INTS1: variants seen among roughly 807,000 people sequenced by gnomAD.
The protein encoded by INTS1 is integrator complex subunit 1.
In INTS1, 137 loss-of-function variants were observed where a neutral mutation model predicts 241.6. That is an observed-to-expected ratio of 0.57 (90% CI 0.49 to 0.65). INTS1 has a LOEUF of 0.65. INTS1 is among the 30% of genes least tolerant of loss of function. INTS1 has a pLI of 0.00. For missense variants in INTS1, 3,073 were observed against 3,032.2 expected, an observed-to-expected ratio of 1.01 and a Z score of -0.32; for synonymous variants, 1,692 against 1,337.8, an observed-to-expected ratio of 1.26 and a Z score of -5.78.
chr7:1,494,528 C>T (rs1782750448), intron 14 of INTS1: 3 of 518,224 alleles, frequency 5.8e-6, no homozygotes, highest in East Asian at 6.8e-5. Context: ...GTGGCGTGCC[C>T]GTGGACGCCC....
chr7:1,483,596 T>G, intron 26 of INTS1, 146 bp downstream of exon 26: 2 of 704,352 alleles, frequency 2.8e-6, no homozygotes, highest in Non-Finnish European at 5.1e-6. Flanking sequence ...AGCCTCCTCT[T>G]TAGGAGAGAA....
intron 4 of INTS1, 68 bp downstream of exon 4, chr7:1,500,102 G>C (rs543352518): frequency 6.3e-7 from 1 of 1,588,266 alleles, no homozygotes; most frequent in Non-Finnish European, 8.6e-7. Context: ...GGACACTTAA[G>C]GGGGAGGTGA....
rs762546680 is a variant in INTS1 at position 1,476,873 on chromosome 7, T to A, written c.4984A>T (p.Thr1662Ser). 1 of 1,612,492 alleles carries A rather than the reference T, an allele frequency of 6.2e-7. No homozygotes were observed. The highest frequency in any genetic ancestry group is 8.5e-7 in the Non-Finnish European group (1 of 1,179,728). Residue 1662 changes from threonine to serine, a missense_variant, in exon 36 of 48, where the codon ACC becomes TCC. Physicochemically the swap from Thr to Ser is moderately conservative, Grantham distance 58. Transcript: ENST00000404767. ...CAGCTGGACTGATGCGTGAAGAGGG[T>A]CAGGAGGTAGGGACGGAACGAGGGC... ...QVPSFRPYLLTLFTHQSSWPT... is the reference protein window; with the variant it reads ...QVPSFRPYLLSLFTHQSSWPT...
chr7:1,486,608 C>T lies in INTS1; in HGVS notation c.2976+17G>A, dbSNP rs1264890240. ...AACATGAAGAGCGTGCGCAGAAAGA[C>T]CCGCCCACCACCTCACCTTCATGGC... On this transcript the variant is annotated intron_variant, in intron 22 of 47. Coordinates refer to ENST00000404767, the MANE Select transcript of INTS1 (RefSeq NM_001080453.3). 6.2e-7 allele frequency: 1 copy of T among 1,608,186 alleles called. No homozygotes were observed. Among genetic ancestry groups the T allele is most frequent in the Non-Finnish European group, 8.5e-7 (1 of 1,177,894 alleles).
In INTS1 at chr7:1,480,949, G is replaced by A. The variant is rs779393095; in HGVS notation, c.3851-16C>T. 3.2e-6 allele frequency: 5 copies of A among 1,576,054 alleles called. No individual in the cohort carries two copies. The highest frequency in any genetic ancestry group is 4.6e-5 in the East Asian group (2 of 43,394). On this transcript the variant is annotated splice_polypyrimidine_tract_variant and intron_variant, in intron 28 of 47. Transcript: ENST00000404767. ...GCCATGTAATCTGCAAACCGTAGCA[G>A]GGTCACACCTGGGCGCGGCCAGGGG...
Position 1,499,888 on chromosome 7 carries a change from A to T in INTS1, c.680T>A (p.Val227Asp), listed in dbSNP as rs1333609389. Residue 227 changes from valine (V) to aspartate (D), a missense_variant, in exon 5 of 48, where the codon GTC becomes GAC. Coordinates refer to ENST00000404767, the MANE Select transcript of INTS1 (RefSeq NM_001080453.3). Reference sequence around the variant, plus strand: ...GTCCCGGGAGAGGACGCTCACCTTGACAAAGATCTCGGGCCAGTTCTCGTC... The same window carrying T: ...GTCCCGGGAGAGGACGCTCACCTTGTCAAAGATCTCGGGCCAGTTCTCGTC... ...EEDENWPEIFVKVYIEDSLGE... is the reference protein window; with the variant it reads ...EEDENWPEIFDKVYIEDSLGE... 6.2e-7 allele frequency: 1 copy of T among 1,612,134 alleles called. No homozygotes were observed. Among genetic ancestry groups the T allele is most frequent in the Non-Finnish European group, 8.5e-7 (1 of 1,178,918 alleles).
chr7:1,497,374 C>A lies in INTS1; in HGVS notation c.1426-60G>T, dbSNP rs1030765831. 3 of 1,535,418 alleles carry A rather than the reference C, an allele frequency of 2.0e-6. No individual in the cohort carries two copies. The highest frequency in any genetic ancestry group is 2.7e-5 in the African/African-American group (2 of 73,000). On this transcript the variant is annotated intron_variant, in intron 10 of 47. Coordinates refer to ENST00000404767, the MANE Select transcript of INTS1 (RefSeq NM_001080453.3). This position sits in a 1 kb window ranked among gnomAD's most constrained non-coding sequence, Gnocchi z 5.3. ...GACAGTGCTGTCCCTGTCACAGGCC[C>A]CTTCCCGCAGCACCAACAGGTATGG... is the stretch of plus-strand genomic sequence containing the variant.
intron 30 of INTS1, among the ~76,000 whole-genome samples, chr7:1,480,107 C>T (rs1247234525): frequency 6.6e-6 from 1 of 152,266 alleles, no homozygotes. Flanking sequence ...CCAATGTTGG[C>T]CTAGCCTCCA....
At position 1,470,587 on chromosome 7, in the gene INTS1, G is replaced by C; in HGVS notation, c.6563C>G (p.Ala2188Gly). ...SEALRILHME[A>G]VM ...TCGGCTGCCACAGGCTCACATCACG[G>C]CCTCCATATGCAGGATCCTCAGGGC... Residue 2188 changes from alanine to glycine, a missense_variant, in exon 48 of 48, where the codon GCC (alanine) becomes GGC (glycine). Ala to Gly is a moderately conservative substitution (Grantham distance 60). Transcript: ENST00000404767. The C allele has an allele frequency of 6.4e-7, 1 of 1,564,834 alleles. No homozygotes were observed. Among genetic ancestry groups the C allele is most frequent in the Non-Finnish European group, 8.7e-7 (1 of 1,155,770 alleles).
intron 13 of INTS1, among the ~76,000 whole-genome samples, chr7:1,495,106 G>A (rs553754045): frequency 6.1e-4 from 65 of 106,818 alleles, no homozygotes; most frequent in Admixed American, 4.6e-3. Context: ...CGGGGCTGCC[G>A]GGCTGGACAG....
In INTS1 at chr7:1,495,516, G is replaced by A. The variant is rs375137341; in HGVS notation, c.1749C>T (p.Ala583=). 1.1e-4 allele frequency: 177 copies of A among 1,612,302 alleles called. No homozygotes were observed. The highest frequency in any genetic ancestry group is 1.4e-4 in the Non-Finnish European group (167 of 1,179,648). ...EVLRSFQNQI[A]AIQRDAVWWL... is the part of the protein sequence containing the mutation. ...ACCAGACGGCATCCCGCTGGATGGC[G>A]GCAATCTGGTTCTGGAATGAGCGGA... Residue 583 remains alanine (A), a synonymous_variant, in exon 13 of 48, where the codon GCC becomes GCT. Coordinates refer to ENST00000404767, the MANE Select transcript of INTS1 (RefSeq NM_001080453.3).
At chr7:1,499,218 G>A (rs569891718) in intron 7 of INTS1, 37 bp downstream of exon 7, 27 of 1,604,846 alleles carry the variant, frequency 1.7e-5, no homozygotes, top group East Asian at 8.9e-5. Flanking sequence ...GCCCGCCCCC[G>A]CCGCCCCCAA....
intron 13 of INTS1, among the ~76,000 whole-genome samples, chr7:1,495,115 A>AGTGGCCAAGC (rs5881898): frequency 2.9e-4 from 44 of 151,726 alleles, no homozygotes; most frequent in African/African-American, 1.0e-3. Flanking sequence ...CGGGCTGGAC[A>AGTGGCCAAGC]GCCCTTTACA....
rs1054258901 is a variant in INTS1 at position 1,476,021 on chromosome 7, C to T, written c.5429G>A (p.Arg1810Gln). The T allele has an allele frequency of 5.8e-6, 9 of 1,545,940 alleles. No individual in the cohort carries two copies. The highest frequency in any genetic ancestry group is 1.8e-4 in the Middle Eastern group (1 of 5,558). The change falls in exon 39 of 48, where the codon CGG becomes CAG. Residue 1810 changes from arginine to glutamine, a missense_variant. Arg to Gln is a conservative substitution (Grantham distance 43, BLOSUM62 1). Transcript: ENST00000404767. Reference protein sequence around the residue: ...RDLLLQLYLQRPELRVPVPEV... With the variant: ...RDLLLQLYLQQPELRVPVPEV... ...AGGCACGGGCACCCGCAGCTCCGGC[C>T]GCTGTAGGTAGAGCTGCAGGAGAAG...
rs546371014 is a variant in INTS1 at position 1,487,334 on chromosome 7, T to C, written c.2632A>G (p.Ile878Val). 6.9e-6 allele frequency: 11 copies of C among 1,601,886 alleles called. No individual in the cohort carries two copies. The highest frequency in any genetic ancestry group is 6.7e-5 in the African/African-American group (5 of 74,904). The change falls in exon 20 of 48, where the codon ATC becomes GTC. Residue 878 changes from isoleucine to valine, a missense_variant. Coordinates refer to ENST00000404767, the MANE Select transcript of INTS1 (RefSeq NM_001080453.3). The part of the protein sequence containing the change: ...RSRNPDFLLH[I>V]IQRQASSQSM... Reference sequence around the variant, plus strand: ...TCGGCACTCACCTGCCGCTGGATGATGTGGAGGAGAAAGTCAGGGTTTCGG... The same window carrying C: ...TCGGCACTCACCTGCCGCTGGATGACGTGGAGGAGAAAGTCAGGGTTTCGG...
chr7:1,487,963 G>A lies in INTS1; in HGVS notation c.2319-6C>T. ...ACGGTGGGTAGGAGTAGTTGCTAGG[G>A]CCAGACGGGGGAGCGTGTCACCCTG... On this transcript the variant is annotated splice_polypyrimidine_tract_variant and splice_region_variant and intron_variant, in intron 18 of 47. Coordinates refer to ENST00000404767, the MANE Select transcript of INTS1 (RefSeq NM_001080453.3). The A allele has an allele frequency of 1.2e-6, 2 of 1,612,732 alleles. No homozygotes were observed. The highest frequency in any genetic ancestry group is 1.3e-5 in the African/African-American group (1 of 75,040).
rs1030983787 is a variant in INTS1, at chr7:1,482,889, A to G, written c.3542-182T>C. The G allele has an allele frequency of 1.4e-5, 9 of 658,430 alleles. No homozygotes were observed. The Admixed American group carries it at 2.4e-4, about 18-fold the overall frequency. The allele number at this position is 658,430 out of a possible 1,614,324, so 40.8% of individuals were successfully genotyped here. ...GCGGATGCTTTGCGTAGGTGCACGCATTTGATCCTCACAGATGCTGCAGGA... is the reference window on the plus strand; with the variant it reads ...GCGGATGCTTTGCGTAGGTGCACGCGTTTGATCCTCACAGATGCTGCAGGA... On this transcript the variant is annotated intron_variant, in intron 26 of 47. Transcript: ENST00000404767.
At chr7:1,477,494 C>T in intron 35 of INTS1, 56 bp downstream of exon 35, 1 of 1,453,958 alleles carries the variant, frequency 6.9e-7, no homozygotes. Flanking sequence ...CACTTCAGGT[C>T]AGGAAGAGCC....
chr7:1,483,017 T>A lies in INTS1; in HGVS notation c.3542-310A>T, dbSNP rs59311691. 9.2e-3 allele frequency: 3,068 copies of A among 332,820 alleles called. 63 individuals carry two copies. Among genetic ancestry groups the A allele is most frequent in the African/African-American group, 0.051 (2,379 of 47,022 alleles). 20.6% of individuals were successfully genotyped at this position (332,820 alleles called of 1,614,324 possible). A position where few individuals can be genotyped will look rare whatever the true frequency, so the allele number is the denominator to read the frequency against. ...CTTTGCTTGGCTGGACCAGGTCCCA[T>A]CCAGCTCTCTGGCTCCGCAAAGCCA... On this transcript the variant is annotated intron_variant, in intron 26 of 47. Coordinates refer to ENST00000404767, the MANE Select transcript of INTS1 (RefSeq NM_001080453.3).
Sources: allele counts gnomAD v4.1 joint callset (sites outside exome capture counted in the v4.1 genomes callset), GRCh38; gene constraint gnomAD v4.1.1; non-coding constraint Gnocchi (gnomAD v3.1); transcripts MANE v1.5; gene names NCBI Gene and HGNC (gene_info 2026-07-23, HGNC 2026-07-21).